Variants in SNED1 observed in about 807,000 individuals in gnomAD.
SNED1 encodes the protein sushi, nidogen and EGF-like domain-containing protein 1.
Under a neutral mutation model 166.7 loss-of-function variants are expected in SNED1, and 81 were observed. That is an observed-to-expected ratio of 0.49 (90% CI 0.41 to 0.58). The LOEUF is 0.58. Among genes scored for constraint, SNED1 ranks in the 20% least tolerant of loss-of-function variants. The probability of loss-of-function intolerance (pLI) is 0.00; values close to 1 mark genes in which losing one functional copy is unlikely to be tolerated. For missense variants in SNED1, 1,604 were observed against 2,000.2 expected (o/e 0.80, Z 3.78); for synonymous variants, 762 against 822.0 (o/e 0.93, Z 1.25).
At chr2:241,010,465 C>T (rs2060356499) in intron 1 of SNED1, 1 of 152,588 alleles carries the variant, frequency 6.6e-6, no homozygotes, top group South Asian at 2.1e-4. Context: ...CCCTGGCCAG[C>T]CCCGCCCCCA....
At chr2:241,017,875 A>C (rs1014333042) in intron 1 of SNED1, among the ~76,000 whole-genome samples, 2 of 152,208 alleles carry the variant, frequency 1.3e-5, no homozygotes, top group Non-Finnish European at 2.9e-5. Context: ...GGCCCATGCA[A>C]GGAGTTTGAC....
intron 1 of SNED1, among the ~76,000 whole-genome samples, chr2:241,000,773 G>A (rs977023822): frequency 6.6e-6 from 1 of 152,224 alleles, no homozygotes; most frequent in African/African-American, 2.4e-5. Flanking sequence ...CTCCATCGGA[G>A]CTTTTTCCTG....
In SNED1 at chr2:241,051,585, T is replaced by C; in HGVS notation, c.1736-159T>C. ...GAGCCCCACCCCAGCCCCCACCATG[T>C]GTGCGGACCTGCTTGGCCCCTGCTG... On this transcript the variant is annotated intron_variant, in intron 12 of 31. Coordinates refer to ENST00000310397, the MANE Select transcript of SNED1 (RefSeq NM_001080437.3). This position sits in a 1 kb window ranked among gnomAD's most constrained non-coding sequence, Gnocchi z 4.7. 2.0e-6 allele frequency: 1 copy of C among 497,484 alleles called. No individual in the cohort carries two copies. The allele number at this position is 497,484 out of a possible 1,614,324, so 30.8% of individuals were successfully genotyped here.
chr2:241,067,207 G>A (rs1182316500), intron 21 of SNED1, among the ~76,000 whole-genome samples: 2 of 152,216 alleles, frequency 1.3e-5, no homozygotes, highest in African/African-American at 2.4e-5. Flanking sequence ...TGAGTTGCCG[G>A]GAGCTGAGCG....
rs1020733564 is a variant in SNED1, at chr2:241,064,702, G to A, written c.2600-142G>A. On this transcript the variant is annotated intron_variant, in intron 19 of 31. Transcript: ENST00000310397. The surrounding 1 kb of genome is among the most constrained non-coding windows in gnomAD (Gnocchi z 7.0). Reference sequence around the variant, plus strand: ...GCAGGGCAGTGGAGGTGGCAGAACCGAAGGGAGGCAGTAGCTGTCCTGTGC... The same window carrying A: ...GCAGGGCAGTGGAGGTGGCAGAACCAAAGGGAGGCAGTAGCTGTCCTGTGC... The A allele has an allele frequency of 3.1e-4, 186 of 602,220 alleles. 1 individual carries two copies. The highest frequency in any genetic ancestry group is 7.1e-5 in the Non-Finnish European group (25 of 351,538). 37.3% of individuals were successfully genotyped at this position (602,220 alleles called of 1,614,324 possible). A position where few individuals can be genotyped will look rare whatever the true frequency, so the allele number is the denominator to read the frequency against.
intron 1 of SNED1, among the ~76,000 whole-genome samples, chr2:241,002,123 C>T (rs74001782): frequency 0.031 from 4,779 of 152,216 alleles, 239 homozygotes; most frequent in African/African-American, 0.11. Context: ...CTGGTCATTT[C>T]CTCCCTGAGC....
At chr2:241,053,791 C>T (rs2061954905) in intron 16 of SNED1, among the ~76,000 whole-genome samples, 1 of 152,180 alleles carries the variant, frequency 6.6e-6, no homozygotes. Flanking sequence ...CCACCCCTGT[C>T]TGGCTTGGGA....
In SNED1 at chr2:241,048,894, G is replaced by A. The variant is rs565012327; in HGVS notation, c.1504+128G>A. 21 of 1,177,314 alleles carry A rather than the reference G, an allele frequency of 1.8e-5. No homozygotes were observed. In the South Asian group the frequency reaches 2.8e-4, roughly 16 times the overall value. 72.9% of individuals were successfully genotyped at this position (1,177,314 alleles called of 1,614,324 possible). On this transcript the variant is annotated intron_variant, in intron 10 of 31. Transcript: ENST00000310397. ...ATTGGTTCTACCCCCACCCAGGAGG[G>A]ACTGGCCACAAGAGTGCCTGAACCT...
chr2:241,029,143 G>A (rs542308608), intron 1 of SNED1, among the ~76,000 whole-genome samples: 6 of 152,336 alleles, frequency 3.9e-5, no homozygotes, highest in African/African-American at 7.2e-5. Flanking sequence ...TAATGACAGC[G>A]CAGAGCTGAC....
intron 27 of SNED1, among the ~76,000 whole-genome samples, chr2:241,080,110 C>T (rs944560454): frequency 6.6e-6 from 1 of 152,046 alleles, no homozygotes; most frequent in Non-Finnish European, 1.5e-5. Context: ...CATGGTGAAA[C>T]CCCGTCTCTA....
Position 241,064,926 on chromosome 2 carries a change from A to C in SNED1, c.2682A>C (p.Lys894Asn). 1.3e-6 allele frequency: 2 copies of C among 1,586,328 alleles called. No individual in the cohort carries two copies. Among genetic ancestry groups the C allele is most frequent in the Non-Finnish European group, 1.7e-6 (2 of 1,171,200 alleles). The change falls in exon 20 of 32, where the codon AAA becomes AAC. Residue 894 changes from lysine to asparagine, a missense_variant. Physicochemically the swap from Lys to Asn is moderately conservative, Grantham distance 94 (BLOSUM62 0). Transcript: ENST00000310397. The surrounding 1 kb of genome is among the most constrained non-coding windows in gnomAD (Gnocchi z 7.0). The part of the protein sequence containing the change: ...ASNGSHSCTC[K>N]VGYTGEDCAK... ...ACGGCTCCCACAGCTGCACCTGCAA[A>C]GTGGGCTACACGGGCGAGGACTGCG...
Position 241,062,784 on chromosome 2 carries a change from CTCTCAGAAATCGATGAGTGCCGG to C in SNED1, c.2258_2280del (p.Glu753AlafsTer24). 1 of 1,599,040 alleles carries C rather than the reference CTCTCAGAAATCGATGAGTGCCGG, an allele frequency of 6.3e-7. No individual in the cohort carries two copies. Among genetic ancestry groups the C allele is most frequent in the East Asian group, 2.2e-5 (1 of 44,600 alleles). On this transcript the variant is annotated splice_acceptor_variant and splice_polypyrimidine_tract_variant and coding_sequence_variant and intron_variant, in exon 17 of 32. Coordinates refer to ENST00000310397, the MANE Select transcript of SNED1 (RefSeq NM_001080437.3). LOFTEE classifies it high-confidence loss of function. ...CATTGCTTTATTCTTGGGCTCTCTC[CTCTCAGAAATCGATGAGTGCCGG>C]TCTCAGCCGTGCCTGCATGGGGGCT...
rs1421416640 is a variant in SNED1, at chr2:241,040,056, C to T, written c.1046-19C>T. 6.5e-7 allele frequency: 1 copy of T among 1,547,450 alleles called. No individual in the cohort carries two copies. Among genetic ancestry groups the T allele is most frequent in the Non-Finnish European group, 8.8e-7 (1 of 1,140,422 alleles). On this transcript the variant is annotated intron_variant, in intron 6 of 31. Transcript: ENST00000310397. ...CATAACTGGGAGTCCATCGTCCTGT[C>T]TACACCTCCTCACTCTAGCCCAATC... is the stretch of plus-strand genomic sequence containing the variant.
At chr2:241,002,032 C>G (rs184368596) in intron 1 of SNED1, among the ~76,000 whole-genome samples, 1 of 152,318 alleles carries the variant, frequency 6.6e-6, no homozygotes, top group African/African-American at 2.4e-5. Flanking sequence ...CAGGCACAGT[C>G]CCGGCCCTAC....
At chr2:241,005,629 T>C (rs527899378) in intron 1 of SNED1, among the ~76,000 whole-genome samples, 1 of 152,282 alleles carries the variant, frequency 6.6e-6, no homozygotes, top group Non-Finnish European at 1.5e-5. Context: ...TTTATCTTCA[T>C]TTTTTGAAAG....
Position 241,069,977 on chromosome 2 carries a change from T to C in SNED1, c.3365T>C (p.Val1122Ala), listed in dbSNP as rs753516894. 1.2e-6 allele frequency: 2 copies of C among 1,612,988 alleles called. No homozygotes were observed. The highest frequency in any genetic ancestry group is 1.1e-5 in the South Asian group (1 of 91,084). Residue 1122 changes from valine (V) to alanine (A), a missense_variant, in exon 24 of 32, where the codon GTG becomes GCG. By Grantham distance (64) the Val-to-Ala change is moderately conservative. This residue lies in a region of SNED1 where 1,237 missense variants were observed against 1,620.8 expected (regional missense o/e 0.76). Coordinates refer to ENST00000310397, the MANE Select transcript of SNED1 (RefSeq NM_001080437.3). The surrounding 1 kb of genome is among the most constrained non-coding windows in gnomAD (Gnocchi z 4.9). ...AARVTATSAH[V>A]VWDAPTPGSL... Reference sequence around the variant, plus strand: ...CGAGTCACTGCCACCTCTGCCCACGTGGTCTGGGATGCCCCGACTCCAGGC... The same window carrying C: ...CGAGTCACTGCCACCTCTGCCCACGCGGTCTGGGATGCCCCGACTCCAGGC...
intron 31 of SNED1, chr2:241,089,234 T>C: frequency 1.4e-6 from 2 of 1,438,952 alleles, no homozygotes; most frequent in Non-Finnish European, 1.9e-6. Context: ...GAATCTCTGG[T>C]TGGCCTAGGA....
chr2:241,070,115 G>T lies in SNED1; in HGVS notation c.3503G>T (p.Arg1168Leu). ...SYTVRDLLPGRRYQLSVIAVQ... is the reference protein window; with the variant it reads ...SYTVRDLLPGLRYQLSVIAVQ... ...ACGGTGCGCGACCTGCTGCCGGGAC[G>T]GCGGTACCAGCTCTCTGTGATAGCA... is the stretch of plus-strand genomic sequence containing the variant. Residue 1168 changes from arginine (R) to leucine (L), a missense_variant, in exon 24 of 32, where the codon CGG becomes CTG. By Grantham distance (102) the Arg-to-Leu change is moderately radical. This residue lies in a region of SNED1 where 367 missense variants were observed against 379.4 expected (regional missense o/e 0.97). Coordinates refer to ENST00000310397, the MANE Select transcript of SNED1 (RefSeq NM_001080437.3). 6.2e-7 allele frequency: 1 copy of T among 1,612,734 alleles called. No individual in the cohort carries two copies. The highest frequency in any genetic ancestry group is 8.5e-7 in the Non-Finnish European group (1 of 1,179,840).
intron 16 of SNED1, among the ~76,000 whole-genome samples, chr2:241,057,551 G>C (rs1430731816): frequency 6.6e-6 from 1 of 151,736 alleles, no homozygotes; most frequent in Non-Finnish European, 1.5e-5. Context: ...AGGCATGGTG[G>C]CATGCTCCTG....
Sources: allele counts gnomAD v4.1 joint callset (sites outside exome capture counted in the v4.1 genomes callset), GRCh38; gene constraint gnomAD v4.1.1; regional missense constraint gnomAD v4.1.1; non-coding constraint Gnocchi (gnomAD v3.1); transcripts MANE v1.5; gene names NCBI Gene and HGNC (gene_info 2026-07-23, HGNC 2026-07-21).